GFPT1: variants seen among roughly 807,000 people sequenced by gnomAD.
The protein encoded by GFPT1 is glutamine--fructose-6-phosphate transaminase 1, also known as glutamine--fructose-6-phosphate aminotransferase [isomerizing] 1.
In GFPT1, 40 loss-of-function variants were observed where a neutral mutation model predicts 92.0. The observed-to-expected ratio is 0.43, with a 90% CI of 0.34 to 0.57. GFPT1 has a LOEUF of 0.57. Among genes scored for constraint, GFPT1 ranks in the 20% least tolerant of loss-of-function variants. The probability of loss-of-function intolerance (pLI) is 0.02; values close to 1 mark genes in which losing one functional copy is unlikely to be tolerated. For synonymous variants in GFPT1, 269 were observed against 280.6 expected, an observed-to-expected ratio of 0.96 and a Z score of 0.41; for missense variants, 448 against 869.1, an observed-to-expected ratio of 0.52 and a Z score of 6.09.
chr2:69,354,304 G>T lies in GFPT1; in HGVS notation c.694C>A (p.Gln232Lys). The T allele has an allele frequency of 6.3e-7, 1 of 1,591,298 alleles. No homozygotes were observed. The highest frequency in any genetic ancestry group is 1.7e-5 in the Admixed American group (1 of 59,128). ...CACCGTGTGAATTTTGATCCAATCT[G>T]AGTCCTAGCTAAGGATACACAACAG... Reference protein sequence around the residue: ...IPILYRTARTQIGSKFTRWGS... With the variant: ...IPILYRTARTKIGSKFTRWGS... The change falls in exon 9 of 20, where the codon CAG becomes AAG. Residue 232 changes from glutamine (Q) to lysine (K), a missense_variant. Physicochemically the swap from Gln to Lys is moderately conservative, Grantham distance 53. Around this residue, in one of 7 missense-constraint regions of GFPT1, gnomAD observed 118 missense variants for 192.9 expected, o/e 0.61. Coordinates refer to ENST00000357308, the MANE Select transcript of GFPT1 (RefSeq NM_001244710.2).
At position 69,387,138 on chromosome 2, in the gene GFPT1, G is replaced by C; in HGVS notation, c.-67C>G. On this transcript the variant is annotated 5_prime_UTR_variant, in exon 1 of 20. Coordinates refer to ENST00000357308, the MANE Select transcript of GFPT1 (RefSeq NM_001244710.2). ...GGCGGGATCGGGGGTGCACACACGA[G>C]CTTCGGTGGGCAATCTGCGGGCTCG... 2 of 1,482,080 alleles carry C rather than the reference G, an allele frequency of 1.3e-6. No individual in the cohort carries two copies. Among genetic ancestry groups the C allele is most frequent in the Non-Finnish European group, 1.8e-6 (2 of 1,119,314 alleles). 91.8% of individuals were successfully genotyped at this position (1,482,080 alleles called of 1,614,324 possible).
At chr2:69,373,924 A>C in intron 2 of GFPT1, 82 bp downstream of exon 2, 1 of 724,368 alleles carries the variant, frequency 1.4e-6, no homozygotes, top group South Asian at 1.5e-5. Flanking sequence ...AACAGACTTT[A>C]ATAGTCTAGT....
intron 1 of GFPT1, among the ~76,000 whole-genome samples, chr2:69,377,207 CAAAAAA>C (rs59023245): frequency 3.6e-5 from 3 of 84,418 alleles, no homozygotes; most frequent in African/African-American, 4.7e-5. Flanking sequence ...GACTCCGTCT[CAAAAAA>C]AAAAAAAAAA....
At chr2:69,370,707 A>G (rs1046932424) in intron 2 of GFPT1, among the ~76,000 whole-genome samples, 1 of 152,224 alleles carries the variant, frequency 6.6e-6, no homozygotes, top group African/African-American at 2.4e-5. Flanking sequence ...CCTGAACTAA[A>G]CAGTGGTAAT....
chr2:69,370,995 T>A (rs1248491206), intron 2 of GFPT1, among the ~76,000 whole-genome samples: 1 of 151,056 alleles, frequency 6.6e-6, no homozygotes, highest in Non-Finnish European at 1.5e-5. Flanking sequence ...GTGAGATTCA[T>A]CTCAAAAACA....
intron 13 of GFPT1, among the ~76,000 whole-genome samples, chr2:69,341,246 C>T (rs1228797603): frequency 6.6e-6 from 1 of 152,056 alleles, no homozygotes; most frequent in Non-Finnish European, 1.5e-5. Flanking sequence ...AGCCACAACA[C>T]CCAGACAAAA....
intron 1 of GFPT1, among the ~76,000 whole-genome samples, chr2:69,377,643 G>C (rs187918434): frequency 6.6e-6 from 1 of 152,214 alleles, no homozygotes; most frequent in Non-Finnish European, 1.5e-5. Context: ...CTGGGCAACA[G>C]AGCAAGACTC....
intron 11 of GFPT1, among the ~76,000 whole-genome samples, chr2:69,346,491 G>A (rs150376472): frequency 6.6e-6 from 1 of 152,028 alleles, no homozygotes; most frequent in Non-Finnish European, 1.5e-5. Context: ...AACCACCTCG[G>A]CCTCCCAAAG....
At chr2:69,385,388 G>C (rs970610897) in intron 1 of GFPT1, among the ~76,000 whole-genome samples, 1 of 152,022 alleles carries the variant, frequency 6.6e-6, no homozygotes, top group African/African-American at 2.4e-5. Flanking sequence ...ACCACGCCCA[G>C]CTAATTTTGT....
chr2:69,366,812 C>G (rs1336794466), intron 3 of GFPT1, among the ~76,000 whole-genome samples: 2 of 152,154 alleles, frequency 1.3e-5, no homozygotes, highest in Non-Finnish European at 2.9e-5. Context: ...CGTAGTGCTT[C>G]AATAATTTCC....
At chr2:69,343,155 G>A (rs989525925) in intron 12 of GFPT1, among the ~76,000 whole-genome samples, 4 of 152,032 alleles carry the variant, frequency 2.6e-5, no homozygotes, top group African/African-American at 9.7e-5. Flanking sequence ...CATGTGTCTT[G>A]TCCAGAAATC....
chr2:69,350,015 T>C, intron 10 of GFPT1, 63 bp downstream of exon 10: 6 of 1,083,418 alleles, frequency 5.5e-6, no homozygotes, highest in Non-Finnish European at 8.5e-6. Flanking sequence ...AATGACTTCT[T>C]GGGTTTCCTG....
intron 6 of GFPT1, 118 bp downstream of exon 6, chr2:69,358,211 T>C (rs370720489): frequency 2.0e-5 from 16 of 790,968 alleles, no homozygotes; most frequent in African/African-American, 1.7e-4. Context: ...AATAGTTATA[T>C]GAGAAATAAA....
chr2:69,362,438 C>T (rs536868930), intron 4 of GFPT1, among the ~76,000 whole-genome samples: 1 of 151,724 alleles, frequency 6.6e-6, no homozygotes, highest in Non-Finnish European at 1.5e-5. Context: ...GATGTGACTT[C>T]GGAATTATGT....
In GFPT1 at chr2:69,330,200, C is replaced by G. The variant is rs563350536; in HGVS notation, c.1483-402G>C. 3.9e-5 allele frequency among the ~76,000 whole-genome samples: 6 copies of G among 152,196 alleles called. No homozygotes were observed. In the South Asian group the frequency reaches 1.2e-3, roughly 32 times the overall value. The stretch of plus-strand genomic sequence containing the variant: ...AGCCTGGGACAGAGTGAGACCCTGT[C>G]TCCAAAAAACAAAAATAAACTATCT... On this transcript the variant is annotated intron_variant, in intron 15 of 19. Transcript: ENST00000357308.
At chr2:69,367,415 C>G (rs1391858955) in intron 3 of GFPT1, among the ~76,000 whole-genome samples, 1 of 152,102 alleles carries the variant, frequency 6.6e-6, no homozygotes, top group Admixed American at 6.5e-5. Context: ...GGCTGGAGTG[C>G]AGTGGCACGA....
chr2:69,367,693 C>T (rs1181853654), intron 3 of GFPT1, among the ~76,000 whole-genome samples: 2 of 152,134 alleles, frequency 1.3e-5, no homozygotes, highest in East Asian at 1.9e-4. Context: ...CATTCCCTTA[C>T]TTATAGACAT....
At chr2:69,331,472 A>G (rs2104604024) in intron 15 of GFPT1, among the ~76,000 whole-genome samples, 1 of 152,346 alleles carries the variant, frequency 6.6e-6, no homozygotes, top group East Asian at 1.9e-4. Context: ...TTCAGAGTTT[A>G]CCACTTCTTT....
chr2:69,350,349 A>G (rs1222089502), intron 9 of GFPT1, among the ~76,000 whole-genome samples, 166 bp from the exon 10 acceptor site: 3 of 152,348 alleles, frequency 2.0e-5, no homozygotes, highest in East Asian at 1.9e-4. Flanking sequence ...CAATAAGCCA[A>G]TAAGAACAGA....
Sources: allele counts gnomAD v4.1 joint callset (sites outside exome capture counted in the v4.1 genomes callset), GRCh38; gene constraint gnomAD v4.1.1; regional missense constraint gnomAD v4.1.1; transcripts MANE v1.5; gene names NCBI Gene and HGNC (gene_info 2026-07-23, HGNC 2026-07-21).